ATXN7L1: variants seen among roughly 807,000 people sequenced by gnomAD.
ATXN7L1 encodes ataxin 7 like 1.
In ATXN7L1, 15 loss-of-function variants were observed where a neutral mutation model predicts 70.8. That is an observed-to-expected ratio of 0.21 (90% confidence interval 0.14 to 0.33). ATXN7L1 has a LOEUF of 0.33. ATXN7L1 is among the 10% of genes least tolerant of loss of function. The pLI, the probability that ATXN7L1 is intolerant of heterozygous loss-of-function variation, is 1.00. For synonymous variants in ATXN7L1, 440 were observed against 445.1 expected, an observed-to-expected ratio of 0.99 and a Z score of 0.14; for missense variants, 975 against 1,097.1, an observed-to-expected ratio of 0.89 and a Z score of 1.57.
At chr7:105,725,315 C>A (rs2116312994) in intron 3 of ATXN7L1, among the ~76,000 whole-genome samples, 1 of 152,294 alleles carries the variant, frequency 6.6e-6, no homozygotes, top group Admixed American at 6.5e-5. Flanking sequence ...AACCAGACCC[C>A]CTCCATCTTT....
chr7:105,690,778 A>G (rs1039652959), intron 3 of ATXN7L1, among the ~76,000 whole-genome samples: 3 of 152,198 alleles, frequency 2.0e-5, no homozygotes, highest in Admixed American at 6.5e-5. Context: ...TTAATTACAC[A>G]GCCATTCAGT....
At chr7:105,798,384 T>C (rs1208403808) in intron 2 of ATXN7L1, among the ~76,000 whole-genome samples, 2 of 152,238 alleles carry the variant, frequency 1.3e-5, no homozygotes, top group African/African-American at 4.8e-5. Flanking sequence ...CTGTGTGTGA[T>C]CCTGGGCCTG....
intron 7 of ATXN7L1, among the ~76,000 whole-genome samples, chr7:105,632,751 C>T (rs34451132): frequency 0.062 from 9,421 of 151,444 alleles, 323 homozygotes; most frequent in Middle Eastern, 0.099. Flanking sequence ...AAGACCCTGC[C>T]TCTGTAAAAA....
intron 2 of ATXN7L1, among the ~76,000 whole-genome samples, chr7:105,857,841 G>A (rs1815958535): frequency 6.6e-6 from 1 of 152,034 alleles, no homozygotes; most frequent in Admixed American, 6.6e-5. Context: ...GCATCTTCTT[G>A]AAATTCTAGT....
intron 2 of ATXN7L1, among the ~76,000 whole-genome samples, chr7:105,798,780 G>A (rs1806363596): frequency 6.6e-6 from 1 of 152,172 alleles, no homozygotes. Flanking sequence ...AGAACTTGAT[G>A]TCCGCCATAT....
intron 3 of ATXN7L1, among the ~76,000 whole-genome samples, chr7:105,776,950 A>G (rs2116453967): frequency 6.6e-6 from 1 of 152,186 alleles, no homozygotes; most frequent in Admixed American, 6.5e-5. Flanking sequence ...TTGTATTTTT[A>G]GTAGAGCTGG....
chr7:105,701,025 C>T (rs970274150), intron 3 of ATXN7L1, among the ~76,000 whole-genome samples: 2 of 152,138 alleles, frequency 1.3e-5, no homozygotes, highest in African/African-American at 2.4e-5. Flanking sequence ...TACACTTTAA[C>T]TGTCATGGAT....
intron 3 of ATXN7L1, among the ~76,000 whole-genome samples, chr7:105,784,874 T>A (rs1427569332): frequency 6.6e-6 from 1 of 152,198 alleles, no homozygotes; most frequent in African/African-American, 2.4e-5. Flanking sequence ...AATAATGTTC[T>A]GTGGAGCCCT....
rs1191774371 is a variant in ATXN7L1 at position 105,619,140 on chromosome 7, GTTTT to G, written c.1517+1056_1517+1059del. 3.0e-4 allele frequency among the ~76,000 whole-genome samples: 15 copies of G among 49,844 alleles called. No homozygotes were observed. In the East Asian group the frequency reaches 3.3e-3, roughly 11 times the overall value. The allele number at this position is 49,844 out of a possible 152,430, so 32.7% of individuals were successfully genotyped here. A position where few individuals can be genotyped will look rare whatever the true frequency, so the allele number is the denominator to read the frequency against. On this transcript the variant is annotated intron_variant, in intron 9 of 11. Coordinates refer to ENST00000419735, the MANE Select transcript of ATXN7L1 (RefSeq NM_020725.2). ...GTCCACAACCATAATGAAATCTTTA[GTTTT>G]TTTTTTTTTTTTTTTTTTTTTGAGA...
chr7:105,721,476 A>T (rs1485167271), intron 3 of ATXN7L1, among the ~76,000 whole-genome samples: 1 of 152,200 alleles, frequency 6.6e-6, no homozygotes, highest in East Asian at 1.9e-4. Flanking sequence ...TGCTCTGCGC[A>T]GGCCAGCTGG....
At chr7:105,685,582 C>G (rs566879923) in intron 3 of ATXN7L1, among the ~76,000 whole-genome samples, 2 of 152,274 alleles carry the variant, frequency 1.3e-5, no homozygotes, top group South Asian at 4.1e-4. Flanking sequence ...GTGGGTCTTC[C>G]TACCATATTT....
chr7:105,611,383 T>C (rs1793138488), intron 10 of ATXN7L1, among the ~76,000 whole-genome samples: 1 of 152,248 alleles, frequency 6.6e-6, no homozygotes, highest in African/African-American at 2.4e-5. Context: ...TTATTTTATT[T>C]ATTTTTGAGA....
intron 7 of ATXN7L1, among the ~76,000 whole-genome samples, chr7:105,632,513 T>C (rs866264851): frequency 6.6e-6 from 1 of 151,720 alleles, no homozygotes; most frequent in African/African-American, 2.4e-5. Flanking sequence ...ATAAAGACAA[T>C]AGTGGGGAGA....
At chr7:105,711,323 C>A (rs940084044) in intron 3 of ATXN7L1, among the ~76,000 whole-genome samples, 1 of 152,212 alleles carries the variant, frequency 6.6e-6, no homozygotes, top group African/African-American at 2.4e-5. Flanking sequence ...ATACAATTAT[C>A]CCTTCTCAAC....
At chr7:105,616,501 T>C (rs1793912870) in intron 9 of ATXN7L1, among the ~76,000 whole-genome samples, 1 of 152,168 alleles carries the variant, frequency 6.6e-6, no homozygotes, top group Admixed American at 6.5e-5. Flanking sequence ...ACAATGGCCA[T>C]GATGGCATTG....
rs563531342 is a variant in ATXN7L1 at position 105,686,532 on chromosome 7, A to G, written c.356-21244T>C. 6.5e-4 allele frequency among the ~76,000 whole-genome samples: 99 copies of G among 152,286 alleles called. 1 individual carries two copies. Among genetic ancestry groups the G allele is most frequent in the African/African-American group, 2.2e-3 (92 of 41,554 alleles). ...AGTCCATCTCAAAACAAACAAACAA[A>G]CAAACAAAACCCACCCATTTAATAT... On this transcript the variant is annotated intron_variant, in intron 3 of 11. Coordinates refer to ENST00000419735, the MANE Select transcript of ATXN7L1 (RefSeq NM_020725.2).
At chr7:105,675,201 G>C (rs1804444026) in intron 3 of ATXN7L1, among the ~76,000 whole-genome samples, 1 of 151,948 alleles carries the variant, frequency 6.6e-6, no homozygotes, top group Middle Eastern at 3.2e-3. Flanking sequence ...CCATAATAAA[G>C]CAATTGGTAG....
intron 2 of ATXN7L1, among the ~76,000 whole-genome samples, chr7:105,853,964 G>T (rs1049397016): frequency 6.6e-6 from 1 of 152,100 alleles, no homozygotes; most frequent in Non-Finnish European, 1.5e-5. Context: ...CACCTCCACA[G>T]GGGCCTAACA....
At chr7:105,757,791 T>C (rs1050684691) in intron 3 of ATXN7L1, among the ~76,000 whole-genome samples, 2 of 151,536 alleles carry the variant, frequency 1.3e-5, no homozygotes, top group African/African-American at 4.9e-5. Context: ...GGTCTCATTA[T>C]ATTGCCCAGG....
Sources: allele counts gnomAD v4.1 joint callset (sites outside exome capture counted in the v4.1 genomes callset), GRCh38; gene constraint gnomAD v4.1.1; transcripts MANE v1.5; gene names NCBI Gene and HGNC (gene_info 2026-07-23, HGNC 2026-07-21).